The following CAMTA1 variants were observed in gnomAD, a reference collection of about 807,000 sequenced individuals.
CAMTA1 encodes the protein calmodulin binding transcription activator 1.
Under a neutral mutation model 170.9 loss-of-function variants are expected in CAMTA1, and 27 were observed. The ratio of observed to expected loss-of-function variants is 0.16; its 90% CI spans 0.12 to 0.22. The LOEUF (loss-of-function observed/expected upper bound fraction) is 0.22. CAMTA1 is among the 10% of genes least tolerant of loss of function. The probability of loss-of-function intolerance (pLI) is 1.00; values close to 1 mark genes in which losing one functional copy is unlikely to be tolerated. For synonymous variants in CAMTA1, 833 were observed against 891.5 expected, an observed-to-expected ratio of 0.93 and a Z score of 1.17; for missense variants, 1,619 against 2,217.2, an observed-to-expected ratio of 0.73 and a Z score of 5.42.
chr1:7,297,505 A>C (rs1028007091), intron 5 of CAMTA1, among the ~76,000 whole-genome samples: 1 of 152,170 alleles, frequency 6.6e-6, no homozygotes, highest in East Asian at 1.9e-4. Context: ...CATGACTTCT[A>C]GTATCTCTGC....
Position 7,249,372 on chromosome 1 carries a change from T to A in CAMTA1, c.303-119T>A. On this transcript the variant is annotated intron_variant, in intron 4 of 22. Coordinates refer to ENST00000303635, the MANE Select transcript of CAMTA1 (RefSeq NM_015215.4). This position sits in a 1 kb window ranked among gnomAD's most constrained non-coding sequence, Gnocchi z 4.4. ...ATGCAATAAAAGGTGAAAAATTATG[T>A]TCCAGCAAATGTGGAATATTGCTTT... The A allele has an allele frequency of 9.7e-7, 1 of 1,032,838 alleles. No individual in the cohort carries two copies. The highest frequency in any genetic ancestry group is 1.4e-6 in the Non-Finnish European group (1 of 713,730). The allele number at this position is 1,032,838 out of a possible 1,614,324, so 64.0% of individuals were successfully genotyped here. A position where few individuals can be genotyped will look rare whatever the true frequency, so the allele number is the denominator to read the frequency against.
intron 5 of CAMTA1, among the ~76,000 whole-genome samples, chr1:7,439,596 T>C (rs911621337): frequency 5.3e-5 from 8 of 152,166 alleles, no homozygotes; most frequent in Non-Finnish European, 1.0e-4. Context: ...GGCTCAAGCC[T>C]GCGCATGGTA....
At chr1:7,289,349 G>T (rs1034487468) in intron 5 of CAMTA1, among the ~76,000 whole-genome samples, 3 of 152,084 alleles carry the variant, frequency 2.0e-5, no homozygotes, top group Non-Finnish European at 4.4e-5. Context: ...GAGGGAGAAG[G>T]TGTGGTTTCA....
intron 10 of CAMTA1, among the ~76,000 whole-genome samples, chr1:7,676,422 C>T (rs188249881): frequency 3.3e-5 from 5 of 152,340 alleles, no homozygotes; most frequent in Admixed American, 6.5e-5. Context: ...TGGCTGCTGC[C>T]TTAACACATC....
intron 6 of CAMTA1, among the ~76,000 whole-genome samples, chr1:7,612,079 A>C (rs2095527790): frequency 6.6e-6 from 1 of 152,208 alleles, no homozygotes; most frequent in African/African-American, 2.4e-5. Flanking sequence ...GTTGCCATCC[A>C]CGGACAGCTA....
intron 5 of CAMTA1, among the ~76,000 whole-genome samples, chr1:7,274,606 A>C (rs1420583953): frequency 6.6e-6 from 1 of 152,214 alleles, no homozygotes; most frequent in East Asian, 1.9e-4. Flanking sequence ...GACATTTTTG[A>C]AATAAATACC....
chr1:7,041,216 G>A lies in CAMTA1; in HGVS notation c.235-50088G>A, dbSNP rs549299466. Among the ~76,000 whole-genome samples the A allele has an allele frequency of 2.5e-3, 383 of 152,346 alleles. 1 individual carries two copies. Among genetic ancestry groups the A allele is most frequent in the African/African-American group, 9.0e-3 (373 of 41,588 alleles). ...TCTACACGAGGCCCCACACGGCCCCGGAGCTGGAGCTTCTACCGAAGGGTT... is the reference window on the plus strand; with the variant it reads ...TCTACACGAGGCCCCACACGGCCCCAGAGCTGGAGCTTCTACCGAAGGGTT... On this transcript the variant is annotated intron_variant, in intron 3 of 22. Transcript: ENST00000303635. The surrounding 1 kb of genome is among the most constrained non-coding windows in gnomAD (Gnocchi z 5.1).
At chr1:7,357,429 C>A (rs1172284323) in intron 5 of CAMTA1, among the ~76,000 whole-genome samples, 1 of 152,226 alleles carries the variant, frequency 6.6e-6, no homozygotes, top group Non-Finnish European at 1.5e-5. Flanking sequence ...GCTCTCAAGT[C>A]CTGGCACTGC....
intron 4 of CAMTA1, among the ~76,000 whole-genome samples, chr1:7,162,202 G>C (rs1248834879): frequency 6.6e-6 from 1 of 152,188 alleles, no homozygotes; most frequent in African/African-American, 2.4e-5. Flanking sequence ...GCTGGGGCAA[G>C]ACCATGTATG....
At chr1:7,531,180 G>A (rs12723148) in intron 6 of CAMTA1, among the ~76,000 whole-genome samples, 20,455 of 151,638 alleles carry the variant, frequency 0.13, 1,557 homozygotes, top group Non-Finnish European at 0.17. Flanking sequence ...ATGGGAGGGA[G>A]GGAGGGAGGG....
At chr1:7,750,195 A>G (rs892230151) in intron 19 of CAMTA1, among the ~76,000 whole-genome samples, 2 of 152,196 alleles carry the variant, frequency 1.3e-5, no homozygotes, top group African/African-American at 4.8e-5. Context: ...CAGACCAGTG[A>G]AAAGGTAAAG....
intron 5 of CAMTA1, among the ~76,000 whole-genome samples, chr1:7,253,964 A>C (rs1481508726): frequency 6.6e-6 from 1 of 152,130 alleles, no homozygotes; most frequent in Non-Finnish European, 1.5e-5. Flanking sequence ...GACTAAAAAA[A>C]TCAATCATGC....
At chr1:7,342,420 T>C (rs705681) in intron 5 of CAMTA1, among the ~76,000 whole-genome samples, 57,498 of 152,120 alleles carry the variant, frequency 0.38, 11,729 homozygotes, top group Non-Finnish European at 0.45. Flanking sequence ...TTCCAGTCCT[T>C]TCCCTGCTAA....
At position 7,144,294 on chromosome 1, in the gene CAMTA1, A is replaced by G. The variant is rs1436264395; in HGVS notation, c.302+52923A>G. Among the ~76,000 whole-genome samples the G allele has an allele frequency of 6.6e-6, 1 of 151,808 alleles. No individual in the cohort carries two copies. The highest frequency in any genetic ancestry group is 1.5e-5 in the Non-Finnish European group (1 of 67,976). On this transcript the variant is annotated intron_variant, in intron 4 of 22. Coordinates refer to ENST00000303635, the MANE Select transcript of CAMTA1 (RefSeq NM_015215.4). This position sits in a 1 kb window ranked among gnomAD's most constrained non-coding sequence, Gnocchi z 4.0. ...GTATGAGTGTGTGTTTGTGTGTATGAGTGTGTGAGAGACAGCAAGAGACAG... is the reference window on the plus strand; with the variant it reads ...GTATGAGTGTGTGTTTGTGTGTATGGGTGTGTGAGAGACAGCAAGAGACAG...
intron 6 of CAMTA1, among the ~76,000 whole-genome samples, chr1:7,638,062 G>C (rs2095728731): frequency 6.6e-6 from 1 of 152,148 alleles, no homozygotes; most frequent in Admixed American, 6.5e-5. Flanking sequence ...GTGTGGTCTT[G>C]AGTCTTTATT....
chr1:7,447,284 T>C (rs2149440907), intron 5 of CAMTA1, among the ~76,000 whole-genome samples: 1 of 151,974 alleles, frequency 6.6e-6, no homozygotes, highest in East Asian at 1.9e-4. Context: ...AGAGTGACTC[T>C]ACAAGAAGGG....
intron 5 of CAMTA1, among the ~76,000 whole-genome samples, chr1:7,302,480 C>T (rs1674919877): frequency 6.6e-6 from 1 of 152,212 alleles, no homozygotes; most frequent in Non-Finnish European, 1.5e-5. Flanking sequence ...TATGGGCTGC[C>T]ACGGTGGCTG....
At chr1:6,917,852 G>A (rs77346473) in intron 3 of CAMTA1, among the ~76,000 whole-genome samples, 26 of 30,782 alleles carry the variant, frequency 8.4e-4, no homozygotes, top group Admixed American at 1.2e-3. Flanking sequence ...CATCGGGGGC[G>A]GGGGGGGACA....
chr1:6,905,683 C>T (rs889303599), intron 3 of CAMTA1, among the ~76,000 whole-genome samples: 10 of 152,272 alleles, frequency 6.6e-5, no homozygotes, highest in African/African-American at 1.9e-4. Flanking sequence ...CTGTATTGTC[C>T]GTGCCCCTGC....
Sources: gnomAD v4.1 joint callset for allele counts (sites outside exome capture counted in the v4.1 genomes callset) on GRCh38, gnomAD v4.1.1 for gene constraint, Gnocchi (gnomAD v3.1) non-coding constraint, MANE v1.5 for transcripts, NCBI Gene and HGNC (gene_info 2026-07-23, HGNC 2026-07-21) for gene names.